Variants in SMC6 observed in about 807,000 individuals in gnomAD.
SMC6 encodes structural maintenance of chromosomes protein 6.
A neutral mutation model predicts 142.2 loss-of-function variants in SMC6; 79 were observed. The observed-to-expected ratio is 0.56, with a 90% CI of 0.46 to 0.67. The LOEUF (loss-of-function observed/expected upper bound fraction) is 0.67, where lower values mean the gene tolerates loss of function less well. Ranked by LOEUF, SMC6 falls within the 30% of genes least tolerant of loss-of-function variation. SMC6 has a pLI of 0.00. For synonymous variants in SMC6, 411 were observed against 412.4 expected (o/e 1.00, Z 0.04); for missense variants, 1,072 against 1,284.0 (o/e 0.83, Z 2.52).
Position 17,664,724 on chromosome 2 carries a change from T to TA in SMC6, c.*774dup, listed in dbSNP as rs1558318083. The TA allele has an allele frequency of 6.6e-6, 1 of 152,002 alleles. No individual in the cohort carries two copies. Among genetic ancestry groups the TA allele is most frequent in the Non-Finnish European group, 1.5e-5 (1 of 67,970 alleles). 9.4% of individuals were successfully genotyped at this position (152,002 alleles called of 1,614,324 possible). On this transcript the variant is annotated 3_prime_UTR_variant, in exon 28 of 28. Coordinates refer to ENST00000448223, the MANE Select transcript of SMC6 (RefSeq NM_001142286.2). ...GCCTCAGGCTCCTGGAGCCATGAGC[T>TA]ACTCTCCTGCTCCATGAGGATCCAC... is the stretch of plus-strand genomic sequence containing the variant.
chr2:17,742,385 T>G (rs1015749228), intron 3 of SMC6, among the ~76,000 whole-genome samples: 1 of 152,218 alleles, frequency 6.6e-6, no homozygotes, highest in African/African-American at 2.4e-5. Flanking sequence ...CTTTTGGCAA[T>G]GTATAAAGCA....
intron 23 of SMC6, among the ~76,000 whole-genome samples, chr2:17,693,362 G>A (rs978086489): frequency 2.0e-5 from 3 of 152,148 alleles, no homozygotes; most frequent in East Asian, 3.9e-4. Context: ...ATACTATGCA[G>A]CCATAAAAAA....
At chr2:17,711,030 G>A (rs1255861524) in intron 16 of SMC6, among the ~76,000 whole-genome samples, 1 of 152,144 alleles carries the variant, frequency 6.6e-6, no homozygotes, top group African/African-American at 2.4e-5. Flanking sequence ...TAAAGAAAGG[G>A]AGTAGGAGTC....
intron 11 of SMC6, among the ~76,000 whole-genome samples, chr2:17,718,987 G>C (rs1186234979): frequency 6.6e-6 from 1 of 152,112 alleles, no homozygotes; most frequent in Non-Finnish European, 1.5e-5. Context: ...ATATATTATG[G>C]AACAAAGACA....
chr2:17,748,507 C>G (rs1002869703), intron 2 of SMC6, among the ~76,000 whole-genome samples: 7 of 152,138 alleles, frequency 4.6e-5, no homozygotes, highest in African/African-American at 1.7e-4. Context: ...TAATATTCAG[C>G]TTCATTTTTA....
chr2:17,747,006 T>C (rs1376454510), intron 2 of SMC6, among the ~76,000 whole-genome samples: 1 of 152,052 alleles, frequency 6.6e-6, no homozygotes, highest in African/African-American at 2.4e-5. Context: ...TCCAAGTGGG[T>C]AGTCTGGACT....
chr2:17,725,320 T>C lies in SMC6; in HGVS notation c.663A>G (p.Glu221=), dbSNP rs1402891568. ...MKATQLEQMK[E]DYSYIMETKE... ...TCGTTTCCATAATGTATGAATAATC[T>C]TCCTTCATCTGTTCAAGTTGCGTTG... Residue 221 remains glutamate (E), a synonymous_variant, in exon 9 of 28, where the codon GAA becomes GAG. Transcript: ENST00000448223. The C allele has an allele frequency of 1.6e-5, 25 of 1,607,510 alleles. No homozygotes were observed. The highest frequency in any genetic ancestry group is 2.0e-5 in the Non-Finnish European group (24 of 1,178,636).
intron 21 of SMC6, among the ~76,000 whole-genome samples, chr2:17,699,688 G>GGATATTGT (rs56989337): frequency 0.013 from 1,980 of 152,064 alleles, 22 homozygotes; most frequent in East Asian, 0.031. Context: ...AGATTTATGA[G>GGATATTGT]GAATAACAAG....
intron 26 of SMC6, among the ~76,000 whole-genome samples, chr2:17,667,017 C>T (rs1207352269): frequency 6.6e-6 from 1 of 152,198 alleles, no homozygotes; most frequent in Non-Finnish European, 1.5e-5. Flanking sequence ...GGGACAATAA[C>T]TGAATAAATA....
intron 23 of SMC6, among the ~76,000 whole-genome samples, chr2:17,691,336 CTGTGTGTGTGTGTCTGTGTGTG>C (rs1450694748): frequency 7.3e-5 from 7 of 95,292 alleles, no homozygotes; most frequent in African/African-American, 1.8e-4. Context: ...GTGTGTGTCT[CTGTGTGTGTGTGTCTGTGTGTG>C]TGTGTGTGTA....
Position 17,745,834 on chromosome 2 carries a change from G to C in SMC6, c.113C>G (p.Thr38Ser). The change falls in exon 3 of 28, where the codon ACT becomes AGT. Residue 38 changes from threonine to serine, a missense_variant. Thr to Ser is a moderately conservative substitution (Grantham distance 58). Transcript: ENST00000448223. ...TTGTAATTTTTCGCTTACCAAAGTA[G>C]TACCTTTACATTCGTCTTCGTCACC... ...KDGDEDECKG[T>S]TLTAAEVGII... is the part of the protein sequence containing the mutation. 6.2e-7 allele frequency: 1 copy of C among 1,608,672 alleles called. No individual in the cohort carries two copies. Among genetic ancestry groups the C allele is most frequent in the Non-Finnish European group, 8.5e-7 (1 of 1,178,126 alleles).
chr2:17,670,703 T>G (rs189111941), intron 25 of SMC6, 128 bp from the exon 26 acceptor site: 136 of 939,950 alleles, frequency 1.4e-4, no homozygotes, highest in Admixed American at 5.0e-4. Context: ...ACTTAGTGAT[T>G]TGGAAATACC....
intron 9 of SMC6, among the ~76,000 whole-genome samples, chr2:17,724,905 T>G (rs1300571609): frequency 1.3e-5 from 2 of 152,206 alleles, no homozygotes; most frequent in African/African-American, 4.8e-5. Context: ...AGAAGAAATA[T>G]TGCAGTTTTT....
At chr2:17,730,960 G>A in intron 7 of SMC6, 118 bp downstream of exon 7, 1 of 756,632 alleles carries the variant, frequency 1.3e-6, no homozygotes, top group Non-Finnish European at 2.3e-6. Flanking sequence ...TTACACATAT[G>A]CTTCCTGTGG....
chr2:17,738,793 C>G (rs1338457854), intron 4 of SMC6, among the ~76,000 whole-genome samples: 1 of 152,164 alleles, frequency 6.6e-6, no homozygotes, highest in Non-Finnish European at 1.5e-5. Context: ...GCCGGGATTA[C>G]AGGCACACAT....
At chr2:17,701,623 T>C (rs753681267) in intron 20 of SMC6, among the ~76,000 whole-genome samples, 1 of 152,100 alleles carries the variant, frequency 6.6e-6, no homozygotes, top group East Asian at 1.9e-4. Context: ...TCAATTATTA[T>C]GCATGAAAGT....
At position 17,676,868 on chromosome 2, in the gene SMC6, T is replaced by C. The variant is rs1313102233; in HGVS notation, c.2910+1991A>G. The stretch of plus-strand genomic sequence containing the variant: ...ATCATTTGGTGCAAGTACATAGAAA[T>C]GTAATTAATTTTTGCATACTGATTG... On this transcript the variant is annotated intron_variant, in intron 25 of 27. Coordinates refer to ENST00000448223, the MANE Select transcript of SMC6 (RefSeq NM_001142286.2). 2.6e-5 allele frequency among the ~76,000 whole-genome samples: 4 copies of C among 152,166 alleles called. No individual in the cohort carries two copies. In the East Asian group the frequency reaches 7.7e-4, roughly 29 times the overall value.
Position 17,753,040 on chromosome 2 carries a change from A to G in SMC6, c.-68T>C. On this transcript the variant is annotated 5_prime_UTR_variant, in exon 2 of 28. Coordinates refer to ENST00000448223, the MANE Select transcript of SMC6 (RefSeq NM_001142286.2). ...AGAGTCCTGTTTTCCGCAATTCCCA[A>G]TTGGGATTCTTCTCCGGTTCATTTC... 7.1e-6 allele frequency: 7 copies of G among 984,654 alleles called. No homozygotes were observed. The highest frequency in any genetic ancestry group is 1.7e-5 in the African/African-American group (1 of 57,324). The allele number at this position is 984,654 out of a possible 1,614,324, so 61.0% of individuals were successfully genotyped here.
At chr2:17,715,632 G>C (rs1446413500) in intron 15 of SMC6, among the ~76,000 whole-genome samples, 4 of 152,014 alleles carry the variant, frequency 2.6e-5, no homozygotes, top group African/African-American at 9.7e-5. Context: ...AATTTTTTAA[G>C]TACCATGTAT....
Sources: allele counts gnomAD v4.1 joint callset (sites outside exome capture counted in the v4.1 genomes callset), GRCh38; gene constraint gnomAD v4.1.1; transcripts MANE v1.5; gene names NCBI Gene and HGNC (gene_info 2026-07-23, HGNC 2026-07-21).